Variants in SOCS7 observed in about 807,000 individuals in gnomAD.
SOCS7 encodes suppressor of cytokine signaling 7.
SOCS7 carries 18 observed loss-of-function variants against 58.9 expected under a neutral mutation model. That is an observed-to-expected ratio of 0.31 (90% CI 0.21 to 0.45). The LOEUF (loss-of-function observed/expected upper bound fraction) is 0.45. Ranked by LOEUF, SOCS7 falls within the 20% of genes least tolerant of loss-of-function variation. The pLI, the probability that SOCS7 is intolerant of heterozygous loss-of-function variation, is 1.00. For missense variants in SOCS7, 667 were observed against 837.3 expected (o/e 0.80, Z 2.51); for synonymous variants, 388 against 364.3 (o/e 1.06, Z -0.74).
chr17:38,377,626 T>C lies in SOCS7; in HGVS notation c.1553-88T>C, dbSNP rs552573953. The stretch of plus-strand genomic sequence containing the variant: ...TGCCCCCAAACTGCCCTCCCAAAAG[T>C]GAGAATCATAGTTAAAATATTCAAA... On this transcript the variant is annotated intron_variant, in intron 6 of 9. Transcript: ENST00000612932. 4 of 1,321,642 alleles carry C rather than the reference T, an allele frequency of 3.0e-6. No individual in the cohort carries two copies. The African/African-American group carries it at 5.9e-5, about 20-fold the overall frequency. 81.9% of individuals were successfully genotyped at this position (1,321,642 alleles called of 1,614,324 possible).
intron 7 of SOCS7, among the ~76,000 whole-genome samples, chr17:38,379,497 A>G (rs1356951438): frequency 6.6e-6 from 1 of 152,094 alleles, no homozygotes; most frequent in Non-Finnish European, 1.5e-5. Context: ...AAACAACAAA[A>G]AAGAAACAAC....
chr17:38,384,327 A>G (rs1245863068), intron 7 of SOCS7, among the ~76,000 whole-genome samples: 1 of 152,058 alleles, frequency 6.6e-6, no homozygotes, highest in Admixed American at 6.5e-5. Context: ...GTTTTGAGAC[A>G]GGGTCTCACT....
At chr17:38,399,377 A>C (rs984488941) in intron 9 of SOCS7, 136 bp from the exon 10 acceptor site, 8 of 152,210 alleles carry the variant, frequency 5.3e-5, no homozygotes, top group African/African-American at 9.7e-5. Flanking sequence ...TGTGGCCCTC[A>C]TGGAAGCGTT....
chr17:38,365,496 A>G, intron 4 of SOCS7, 87 bp downstream of exon 4: 1 of 839,324 alleles, frequency 1.2e-6, no homozygotes, highest in Non-Finnish European at 1.8e-6. Context: ...AAATCTATTT[A>G]TGGAAATAAC....
At chr17:38,366,138 C>A in intron 4 of SOCS7, 149 bp from the exon 5 acceptor site, 1 of 1,295,368 alleles carries the variant, frequency 7.7e-7, no homozygotes, top group South Asian at 1.6e-5. Flanking sequence ...CCATCCAGCT[C>A]TTTGCCACTG....
Position 38,352,294 on chromosome 17 carries a change from C to T in SOCS7, c.242C>T (p.Ala81Val). The T allele has an allele frequency of 2.0e-6, 3 of 1,487,644 alleles. No homozygotes were observed. The highest frequency in any genetic ancestry group is 2.3e-5 in the Admixed American group (1 of 43,104). 92.2% of individuals were successfully genotyped at this position (1,487,644 alleles called of 1,614,324 possible). ...CCGCCGGAGGAGGAGGACGTGGAGG[C>T]GGCCCCGGAGCCGGGACCCTCGGAA... ...GRPPEEEDVE[A>V]APEPGPSELL... The change falls in exon 1 of 10, where the codon GCG becomes GTG. Residue 81 changes from alanine to valine, a missense_variant. Ala to Val is a moderately conservative substitution (Grantham distance 64). Around this residue, in one of 9 missense-constraint regions of SOCS7, gnomAD observed 154 missense variants for 156.3 expected, o/e 0.98. Transcript: ENST00000612932. This position sits in a 1 kb window ranked among gnomAD's most constrained non-coding sequence, Gnocchi z 5.5.
intron 7 of SOCS7, 98 bp from the exon 8 acceptor site, chr17:38,395,208 AAAG>A (rs2038229516): frequency 8.1e-7 from 1 of 1,239,964 alleles, no homozygotes; most frequent in Non-Finnish European, 1.1e-6. Context: ...TATGAACCAT[AAAG>A]AAGTCCCATT....
At chr17:38,380,647 T>A (rs1236410250) in intron 7 of SOCS7, among the ~76,000 whole-genome samples, 2,135 of 145,882 alleles carry the variant, frequency 0.015, 57 homozygotes, top group African/African-American at 0.049. Flanking sequence ...AAAAAAATAA[T>A]AATAATAATG....
chr17:38,375,598 G>T (rs116239643), intron 6 of SOCS7, among the ~76,000 whole-genome samples: 2 of 152,236 alleles, frequency 1.3e-5, no homozygotes, highest in African/African-American at 4.8e-5. Context: ...TCAGTCAACA[G>T]TACGTTGTTA....
intron 2 of SOCS7, among the ~76,000 whole-genome samples, chr17:38,363,206 A>G (rs587767579): frequency 1.3e-5 from 2 of 152,276 alleles, no homozygotes; most frequent in East Asian, 1.9e-4. Context: ...TGCTCTACCA[A>G]TAGTCTAGAC....
At chr17:38,386,637 G>C (rs754746503) in intron 7 of SOCS7, among the ~76,000 whole-genome samples, 1 of 152,066 alleles carries the variant, frequency 6.6e-6, no homozygotes, top group Non-Finnish European at 1.5e-5. Flanking sequence ...TTATTTATTA[G>C]ATGGAATAGT....
intron 6 of SOCS7, among the ~76,000 whole-genome samples, chr17:38,373,784 C>T (rs550009057): frequency 6.5e-4 from 99 of 152,314 alleles, no homozygotes; most frequent in African/African-American, 2.3e-3. Flanking sequence ...GACGCGACGT[C>T]GCTAATTCAG....
chr17:38,360,602 C>T lies in SOCS7; in HGVS notation c.981-1109C>T, dbSNP rs926500517. Among the ~76,000 whole-genome samples the T allele has an allele frequency of 2.0e-4, 30 of 151,986 alleles. No individual in the cohort carries two copies. In the East Asian group the frequency reaches 4.3e-3, roughly 22 times the overall value. Reference sequence around the variant, plus strand: ...TCGCCCAGGCTGGAGTGCAGTAGTGCGATCTTGGCTCACTGCAAGCTCCGC... The same window carrying T: ...TCGCCCAGGCTGGAGTGCAGTAGTGTGATCTTGGCTCACTGCAAGCTCCGC... On this transcript the variant is annotated intron_variant, in intron 1 of 9. Transcript: ENST00000612932.
rs2144298646 is a variant in SOCS7, at chr17:38,352,185, C to T, written c.133C>T (p.Pro45Ser). Residue 45 changes from proline to serine, a missense_variant, in exon 1 of 10, where the codon CCC (proline) becomes TCC (serine). Pro to Ser is a moderately conservative substitution (Grantham distance 74). This residue lies in a region of SOCS7 where 65 missense variants were observed against 51.0 expected (regional missense o/e 1.27). Transcript: ENST00000612932. The surrounding 1 kb of genome is among the most constrained non-coding windows in gnomAD (Gnocchi z 5.5). ...TCCGCCACCGCCCCCGGGCCATGGC[C>T]CCCCGCCGCCACCCTTCCTCGCGCG... Reference protein sequence around the residue: ...GPPPPPPGHGPPPPPFLARPG... With the variant: ...GPPPPPPGHGSPPPPFLARPG... The T allele has an allele frequency of 2.3e-6, 3 of 1,300,386 alleles. No individual in the cohort carries two copies. Among genetic ancestry groups the T allele is most frequent in the South Asian group, 4.8e-5 (2 of 41,766 alleles). The allele number at this position is 1,300,386 out of a possible 1,614,324, so 80.6% of individuals were successfully genotyped here.
intron 1 of SOCS7, among the ~76,000 whole-genome samples, chr17:38,361,225 T>A (rs759072172): frequency 3.5e-4 from 54 of 152,392 alleles, no homozygotes; most frequent in Non-Finnish European, 7.2e-4. Context: ...GGTTGAAGAC[T>A]GCACATGCAT....
chr17:38,389,872 T>TATATATGTACATATATATATGTAC (rs2038137592), intron 7 of SOCS7, among the ~76,000 whole-genome samples: 2 of 111,748 alleles, frequency 1.8e-5, no homozygotes, highest in Non-Finnish European at 3.5e-5. Flanking sequence ...TGTGTACATA[T>TATATATGTACATATATATATGTAC]ATATATATAT....
chr17:38,397,659 G>A (rs2038262306), intron 9 of SOCS7, among the ~76,000 whole-genome samples: 1 of 152,250 alleles, frequency 6.6e-6, no homozygotes, highest in South Asian at 2.1e-4. Flanking sequence ...GCAGATAGCT[G>A]TATATTTGTG....
chr17:38,377,924 G>C (rs1219003774), intron 7 of SOCS7, 82 bp downstream of exon 7: 4 of 1,401,246 alleles, frequency 2.9e-6, no homozygotes, highest in Non-Finnish European at 3.9e-6. Flanking sequence ...CCCCACAAAA[G>C]GCCATGGTTA....
At chr17:38,381,030 C>T (rs902655040) in intron 7 of SOCS7, among the ~76,000 whole-genome samples, 13 of 152,070 alleles carry the variant, frequency 8.5e-5, no homozygotes, top group Admixed American at 2.6e-4. Flanking sequence ...AAATCCTTGA[C>T]TTTATTTCCC....
Sources: gnomAD v4.1 joint callset for allele counts (sites outside exome capture counted in the v4.1 genomes callset) on GRCh38, gnomAD v4.1.1 for gene constraint, gnomAD v4.1.1 regional missense constraint, Gnocchi (gnomAD v3.1) non-coding constraint, MANE v1.5 for transcripts, NCBI Gene and HGNC (gene_info 2026-07-23, HGNC 2026-07-21) for gene names.